Variants in ASXL2 observed in about 807,000 individuals in gnomAD.
ASXL2 encodes the protein ASXL transcriptional regulator 2, also known as putative Polycomb group protein ASXL2.
Under a neutral mutation model 122.0 loss-of-function variants are expected in ASXL2, and 23 were observed. That is an observed-to-expected ratio of 0.19 (90% CI 0.14 to 0.27). The LOEUF is 0.27. ASXL2 is among the 10% of genes least tolerant of loss of function. ASXL2 has a pLI of 1.00. For missense variants in ASXL2, 1,518 were observed against 1,713.8 expected, an observed-to-expected ratio of 0.89 and a Z score of 2.02; for synonymous variants, 650 against 637.0, an observed-to-expected ratio of 1.02 and a Z score of -0.31.
Position 25,742,780 on chromosome 2 carries a change from G to C in ASXL2, c.3557C>G (p.Thr1186Ser), listed in dbSNP as rs369840548. 13 of 1,613,948 alleles carry C rather than the reference G, an allele frequency of 8.1e-6. No individual in the cohort carries two copies. The South Asian group carries it at 1.2e-4, about 15-fold the overall frequency. ...SKEDDTDEESTGDEQESVTVK... is the reference protein window; with the variant it reads ...SKEDDTDEESSGDEQESVTVK... Reference sequence around the variant, plus strand: ...TGTGACAGATTCCTGCTCATCACCAGTACTTTCCTCATCAGTGTCATCTTC... The same window carrying C: ...TGTGACAGATTCCTGCTCATCACCACTACTTTCCTCATCAGTGTCATCTTC... The change falls in exon 13 of 13, where the codon ACT becomes AGT. Residue 1186 changes from threonine (T) to serine (S), a missense_variant. Physicochemically the swap from Thr to Ser is moderately conservative, Grantham distance 58 (BLOSUM62 1). Transcript: ENST00000435504.
intron 1 of ASXL2, chr2:25,857,089 G>C (rs922386526): frequency 4.9e-5 from 4 of 82,224 alleles, no homozygotes; most frequent in Middle Eastern, 4.8e-3. Flanking sequence ...TTTGGGGGGG[G>C]CGGGGGGGGG....
At chr2:25,835,499 T>C (rs1224673155) in intron 3 of ASXL2, 39 bp downstream of exon 3, 3 of 260,400 alleles carry the variant, frequency 1.2e-5, no homozygotes, top group African/African-American at 4.5e-5. Flanking sequence ...TGCTTTATAA[T>C]TGCATAATAC....
chr2:25,871,747 C>T (rs1156674493), intron 1 of ASXL2, among the ~76,000 whole-genome samples: 1 of 152,152 alleles, frequency 6.6e-6, no homozygotes, highest in African/African-American at 2.4e-5. Flanking sequence ...ATGCGCCACC[C>T]ACACCTGGCT....
intron 3 of ASXL2, among the ~76,000 whole-genome samples, chr2:25,813,518 TGCTAAATGTATGAGGAAACTTA>T (rs2089197135): frequency 6.6e-6 from 1 of 152,176 alleles, no homozygotes; most frequent in Admixed American, 6.5e-5. Context: ...GTGAGTTTGG[TGCTAAATGTATGAGGAAACTTA>T]GTTTTTCAAC....
At chr2:25,864,290 TAAGA>T (rs1468551755) in intron 1 of ASXL2, among the ~76,000 whole-genome samples, 1 of 152,064 alleles carries the variant, frequency 6.6e-6, no homozygotes, top group Admixed American at 6.5e-5. Flanking sequence ...AGCAAAAAAC[TAAGA>T]AAGAAACATT....
At chr2:25,870,930 T>A (rs1331988526) in intron 1 of ASXL2, among the ~76,000 whole-genome samples, 2 of 152,206 alleles carry the variant, frequency 1.3e-5, no homozygotes, top group East Asian at 3.9e-4. Context: ...TTCAGTATAC[T>A]GACTCATCTA....
At chr2:25,818,481 A>T (rs1172668348) in intron 3 of ASXL2, among the ~76,000 whole-genome samples, 1 of 152,234 alleles carries the variant, frequency 6.6e-6, no homozygotes, top group Non-Finnish European at 1.5e-5. Flanking sequence ...ACTGTACTCC[A>T]GCCTGGGCGA....
chr2:25,855,764 A>G (rs2089769229), intron 1 of ASXL2, among the ~76,000 whole-genome samples: 1 of 148,798 alleles, frequency 6.7e-6, no homozygotes. Context: ...TGATCCCGGG[A>G]GGCAGAGGTT....
At chr2:25,848,349 G>A (rs1400687563) in intron 1 of ASXL2, among the ~76,000 whole-genome samples, 2 of 151,996 alleles carry the variant, frequency 1.3e-5, no homozygotes, top group Non-Finnish European at 2.9e-5. Context: ...CCGGCTGGGC[G>A]CGGTGGCTCA....
chr2:25,769,933 T>A (rs1327854116), intron 6 of ASXL2, among the ~76,000 whole-genome samples: 1 of 152,226 alleles, frequency 6.6e-6, no homozygotes, highest in Admixed American at 6.5e-5. Flanking sequence ...CTGAGAGAGC[T>A]CTATGTCTCG....
chr2:25,822,882 C>G, intron 3 of ASXL2: 1 of 549,358 alleles, frequency 1.8e-6, no homozygotes, highest in Non-Finnish European at 3.7e-6. Flanking sequence ...TGCAGATTGA[C>G]CAGAAGTAGA....
chr2:25,861,722 G>A (rs1433380457), intron 1 of ASXL2, among the ~76,000 whole-genome samples: 2 of 152,196 alleles, frequency 1.3e-5, no homozygotes, highest in Non-Finnish European at 2.9e-5. Context: ...AGTCAGCCAC[G>A]TATTTTCAAC....
In ASXL2 at chr2:25,744,570, G is replaced by T; in HGVS notation, c.1861-94C>A. The T allele has an allele frequency of 7.5e-7, 1 of 1,336,390 alleles. No individual in the cohort carries two copies. 82.8% of individuals were successfully genotyped at this position (1,336,390 alleles called of 1,614,324 possible). On this transcript the variant is annotated intron_variant, in intron 12 of 12. Transcript: ENST00000435504. The surrounding 1 kb of genome is among the most constrained non-coding windows in gnomAD (Gnocchi z 4.7). ...TAGCCCTCACATTTTAAAAACAGAT[G>T]AACACTACAGTACCTGTGACAAACA...
chr2:25,754,469 G>A (rs933050625), intron 10 of ASXL2, among the ~76,000 whole-genome samples: 6 of 152,162 alleles, frequency 3.9e-5, no homozygotes, highest in African/African-American at 1.4e-4. Context: ...TTAGAGGACC[G>A]TGGACATCAC....
Position 25,743,655 on chromosome 2 carries a change from G to C in ASXL2, c.2682C>G (p.Ala894=). 1 of 1,614,018 alleles carries C rather than the reference G, an allele frequency of 6.2e-7. No individual in the cohort carries two copies. The highest frequency in any genetic ancestry group is 8.5e-7 in the Non-Finnish European group (1 of 1,179,900). ...PSPLTSLLTT[A]TLEKLPVPQV... is the part of the protein sequence containing the mutation. ...GGGGTACAGGAAGCTTTTCTAAAGTGGCTGTGGTCAATAAAGATGTTAAAG... is the reference window on the plus strand; with the variant it reads ...GGGGTACAGGAAGCTTTTCTAAAGTCGCTGTGGTCAATAAAGATGTTAAAG... The change falls in exon 13 of 13, where the codon GCC becomes GCG. Residue 894 remains alanine (A), a synonymous_variant. Coordinates refer to ENST00000435504, the MANE Select transcript of ASXL2 (RefSeq NM_018263.6).
chr2:25,788,439 A>G (rs886966736), intron 5 of ASXL2, among the ~76,000 whole-genome samples: 1 of 152,144 alleles, frequency 6.6e-6, no homozygotes, highest in Non-Finnish European at 1.5e-5. Flanking sequence ...TTTTTAAAAA[A>G]ATTTCTTTTT....
At position 25,771,758 on chromosome 2, in the gene ASXL2, T is replaced by C. The variant is rs370154504; in HGVS notation, c.404-218A>G. On this transcript the variant is annotated intron_variant, in intron 5 of 12. Transcript: ENST00000435504. ...TGATAGGATAGGGAAGGGATGAGTGTTAGTATTCATTACTTTTCATTTATT... is the reference window on the plus strand; with the variant it reads ...TGATAGGATAGGGAAGGGATGAGTGCTAGTATTCATTACTTTTCATTTATT... Among the ~76,000 whole-genome samples the C allele has an allele frequency of 3.3e-5, 5 of 152,180 alleles. No individual in the cohort carries two copies. In the East Asian group the frequency reaches 9.6e-4, roughly 29 times the overall value.
At chr2:25,750,545 T>G in intron 11 of ASXL2, 132 bp from the exon 12 acceptor site, 1 of 793,628 alleles carries the variant, frequency 1.3e-6, no homozygotes, top group South Asian at 1.9e-5. Flanking sequence ...TGTATTATCT[T>G]CACTATTAGT....
At chr2:25,875,661 C>A (rs1332813880) in intron 1 of ASXL2, among the ~76,000 whole-genome samples, 2 of 152,022 alleles carry the variant, frequency 1.3e-5, no homozygotes, top group Non-Finnish European at 2.9e-5. Context: ...GTCAGGAAAA[C>A]AACCTTATTT....
Sources: allele counts gnomAD v4.1 joint callset (sites outside exome capture counted in the v4.1 genomes callset), GRCh38; gene constraint gnomAD v4.1.1; non-coding constraint Gnocchi (gnomAD v3.1); transcripts MANE v1.5; gene names NCBI Gene and HGNC (gene_info 2026-07-23, HGNC 2026-07-21).